SAP30BP: variants seen among roughly 807,000 people sequenced by gnomAD.
SAP30BP encodes the protein SAP30-binding protein.
Under a neutral mutation model 46.3 loss-of-function variants are expected in SAP30BP, and 31 were observed. The ratio of observed to expected loss-of-function variants is 0.67; its 90% CI spans 0.50 to 0.90. The LOEUF (loss-of-function observed/expected upper bound fraction) is 0.90. SAP30BP is among the 40% of genes least tolerant of loss of function. The pLI is 0.00. For missense variants in SAP30BP, 312 were observed against 391.0 expected, an observed-to-expected ratio of 0.80 and a Z score of 1.70; for synonymous variants, 169 against 144.2, an observed-to-expected ratio of 1.17 and a Z score of -1.23.
At chr17:75,679,060 C>T (rs1010146836) in intron 3 of SAP30BP, among the ~76,000 whole-genome samples, 4 of 147,544 alleles carry the variant, frequency 2.7e-5, no homozygotes, top group Non-Finnish European at 4.4e-5. Flanking sequence ...GTGGCTCCAT[C>T]TCAGCTCACT....
chr17:75,693,372 G>T, intron 3 of SAP30BP, 68 bp from the exon 4 acceptor site: 1 of 1,336,454 alleles, frequency 7.5e-7, no homozygotes, highest in Non-Finnish European at 1.1e-6. Context: ...ATCCTGAGTG[G>T]TCTCAGTAGA....
At position 75,687,116 on chromosome 17, in the gene SAP30BP, A is replaced by G. The variant is rs1336174493; in HGVS notation, c.265-6324A>G. 2.6e-5 allele frequency among the ~76,000 whole-genome samples: 4 copies of G among 152,218 alleles called. No individual in the cohort carries two copies. The East Asian group carries it at 5.8e-4, about 22-fold the overall frequency. On this transcript the variant is annotated intron_variant, in intron 3 of 10. Transcript: ENST00000584667. The stretch of plus-strand genomic sequence containing the variant: ...GCACAGTTTCATGGGACTGTTGTGA[A>G]AAATGAGATTCTTAATTGAAGAGCT...
At chr17:75,673,056 A>G (rs1198944866) in intron 3 of SAP30BP, among the ~76,000 whole-genome samples, 1 of 152,154 alleles carries the variant, frequency 6.6e-6, no homozygotes, top group Non-Finnish European at 1.5e-5. Context: ...ATTAAAATCT[A>G]AAACAGTAAT....
At chr17:75,682,704 C>A (rs1319913592) in intron 3 of SAP30BP, among the ~76,000 whole-genome samples, 2 of 152,002 alleles carry the variant, frequency 1.3e-5, no homozygotes, top group Admixed American at 1.3e-4. Flanking sequence ...TGGCTCATGC[C>A]TGTAATCCCA....
chr17:75,683,106 G>A (rs1468249872), intron 3 of SAP30BP, among the ~76,000 whole-genome samples: 2 of 146,454 alleles, frequency 1.4e-5, no homozygotes, highest in East Asian at 4.1e-4. Context: ...GTGCAGTGGT[G>A]CGATCTCAGC....
chr17:75,679,291 C>T (rs994840587), intron 3 of SAP30BP, among the ~76,000 whole-genome samples: 20 of 152,090 alleles, frequency 1.3e-4, no homozygotes, highest in African/African-American at 4.6e-4. Flanking sequence ...CCACCATGCC[C>T]GGCCTTCAGG....
chr17:75,669,645 C>A (rs1286598254), intron 2 of SAP30BP, among the ~76,000 whole-genome samples: 1 of 152,202 alleles, frequency 6.6e-6, no homozygotes, highest in African/African-American at 2.4e-5. Context: ...CCTGCCTCAC[C>A]CTCCCAAAGT....
intron 3 of SAP30BP, among the ~76,000 whole-genome samples, chr17:75,673,138 C>G (rs1194174166): frequency 2.0e-5 from 3 of 152,100 alleles, no homozygotes; most frequent in African/African-American, 7.2e-5. Context: ...TGTATGTAGC[C>G]ACTAAAATCT....
At chr17:75,676,273 G>C (rs1162663206) in intron 3 of SAP30BP, among the ~76,000 whole-genome samples, 2 of 152,130 alleles carry the variant, frequency 1.3e-5, no homozygotes, top group Non-Finnish European at 2.9e-5. Context: ...ATATCGTCAG[G>C]CTCTGGTGAT....
intron 3 of SAP30BP, chr17:75,692,018 G>A (rs1486267333): frequency 6.4e-6 from 1 of 156,996 alleles, no homozygotes; most frequent in Non-Finnish European, 1.4e-5. Flanking sequence ...TCCTCCAGGC[G>A]CGCCTCCCTG....
intron 3 of SAP30BP, among the ~76,000 whole-genome samples, chr17:75,674,496 A>C (rs527936502): frequency 6.6e-6 from 1 of 151,696 alleles, no homozygotes; most frequent in South Asian, 2.1e-4. Context: ...GGGTTTCACC[A>C]TGTTGGCCAG....
In SAP30BP at chr17:75,683,762, C is replaced by G. The variant is rs532684501; in HGVS notation, c.265-9678C>G. On this transcript the variant is annotated intron_variant, in intron 3 of 10. Transcript: ENST00000584667. Reference sequence around the variant, plus strand: ...TTTGGTAGCATTTTTTCTGTGAGTCCCCAGGAAGTCTCTAGGCTAAGGACA... The same window carrying G: ...TTTGGTAGCATTTTTTCTGTGAGTCGCCAGGAAGTCTCTAGGCTAAGGACA... 3.9e-5 allele frequency: 6 copies of G among 152,184 alleles called. No individual in the cohort carries two copies. In the East Asian group the frequency reaches 5.8e-4, roughly 15 times the overall value. The allele number at this position is 152,184 out of a possible 1,614,324, so 9.4% of individuals were successfully genotyped here.
In SAP30BP at chr17:75,667,394, C is replaced by A; in HGVS notation, c.22C>A (p.Leu8Met). 1 of 1,614,210 alleles carries A rather than the reference C, an allele frequency of 6.2e-7. No homozygotes were observed. Among genetic ancestry groups the A allele is most frequent in the Non-Finnish European group, 8.5e-7 (1 of 1,180,034 alleles). Residue 8 changes from leucine to methionine, a missense_variant, in exon 1 of 11, where the codon CTG (leucine) becomes ATG (methionine). By Grantham distance (15) the Leu-to-Met change is conservative (BLOSUM62 2). Around this residue, in one of 2 missense-constraint regions of SAP30BP, gnomAD observed 296 missense variants for 346.6 expected, o/e 0.85. Transcript: ENST00000584667. MAGKKNV[L>M]SSLAVYAEDS... ...TAAGATGGCGGGGAAGAAGAATGTT[C>A]TGTCGTCTCTCGCAGTTTACGCGGA...
chr17:75,688,464 T>A (rs1386381200), intron 3 of SAP30BP, among the ~76,000 whole-genome samples: 1 of 152,132 alleles, frequency 6.6e-6, no homozygotes, highest in Non-Finnish European at 1.5e-5. Flanking sequence ...CTGGCTGCCC[T>A]GTGCCCCTGT....
intron 9 of SAP30BP, chr17:75,705,743 G>A (rs1346624971): frequency 1.4e-5 from 16 of 1,140,068 alleles, no homozygotes; most frequent in East Asian, 1.4e-4. Flanking sequence ...GAGGTGGGGC[G>A]GTGGGCGGGG....
At chr17:75,675,442 C>G (rs970672300) in intron 3 of SAP30BP, among the ~76,000 whole-genome samples, 1 of 152,160 alleles carries the variant, frequency 6.6e-6, no homozygotes, top group African/African-American at 2.4e-5. Context: ...AGCCACCTCG[C>G]CCGGCCTCTA....
intron 3 of SAP30BP, among the ~76,000 whole-genome samples, chr17:75,681,306 T>G (rs1368073985): frequency 6.6e-6 from 1 of 152,194 alleles, no homozygotes; most frequent in East Asian, 1.9e-4. Flanking sequence ...AGTGGGGGCC[T>G]TGACAAGTCC....
rs925877019 is a variant in SAP30BP at position 75,706,302 on chromosome 17, T to C, written c.746-38T>C. 3.8e-6 allele frequency: 6 copies of C among 1,598,890 alleles called. No homozygotes were observed. Among genetic ancestry groups the C allele is most frequent in the Non-Finnish European group, 5.1e-6 (6 of 1,171,908 alleles). ...GGGAAGGGAAAGAGGGCACCGCTCA[T>C]TGGTGGATCGTGATCCTGATTTCTG... On this transcript the variant is annotated intron_variant, in intron 10 of 10. Coordinates refer to ENST00000584667, the MANE Select transcript of SAP30BP (RefSeq NM_013260.8). This position sits in a 1 kb window ranked among gnomAD's most constrained non-coding sequence, Gnocchi z 4.6.
chr17:75,706,240 T>C lies in SAP30BP; in HGVS notation c.746-100T>C. On this transcript the variant is annotated intron_variant, in intron 10 of 10. Transcript: ENST00000584667. The surrounding 1 kb of genome is among the most constrained non-coding windows in gnomAD (Gnocchi z 4.6). ...CCTTTGGAGTCTGGGGTGGGCCACT[T>C]CGGGGTCTGCTCCCTAGACTCCCGC... 1.9e-6 allele frequency: 3 copies of C among 1,543,930 alleles called. No individual in the cohort carries two copies. The highest frequency in any genetic ancestry group is 2.6e-6 in the Non-Finnish European group (3 of 1,138,922).
Sources: gnomAD v4.1 joint callset for allele counts (sites outside exome capture counted in the v4.1 genomes callset) on GRCh38, gnomAD v4.1.1 for gene constraint, gnomAD v4.1.1 regional missense constraint, Gnocchi (gnomAD v3.1) non-coding constraint, MANE v1.5 for transcripts, NCBI Gene and HGNC (gene_info 2026-07-23, HGNC 2026-07-21) for gene names.